CEBPZOS: variants seen among roughly 807,000 people sequenced by gnomAD.
CEBPZOS encodes the protein protein CEBPZOS.
CEBPZOS carries 10 observed loss-of-function variants against 4.8 expected under a neutral mutation model. The observed-to-expected ratio is 2.07, with a 90% CI of 1.28 to 3.52. The LOEUF is 3.52. Among genes scored for constraint, CEBPZOS ranks in the 30% most tolerant of loss-of-function variants. CEBPZOS has a pLI of 0.00. For missense variants in CEBPZOS, 98 were observed against 43.6 expected (o/e 2.25, Z -3.51); for synonymous variants, 25 against 14.2 (o/e 1.77, Z -1.72).
At position 37,202,219 on chromosome 2, in the gene CEBPZOS, T is replaced by C. The variant is rs1032072543; in HGVS notation, c.*359T>C. 4 of 195,820 alleles carry C rather than the reference T, an allele frequency of 2.0e-5. No homozygotes were observed. Among genetic ancestry groups the C allele is most frequent in the Non-Finnish European group, 3.0e-5 (3 of 98,668 alleles). The allele number at this position is 195,820 out of a possible 1,614,324, so 12.1% of individuals were successfully genotyped here. On this transcript the variant is annotated 3_prime_UTR_variant, in exon 5 of 5. Transcript: ENST00000402297. ...AACGGCCCACTTCCCTAAAAAAAAG[T>C]AATTTTTGTAGTCTGCAAGGTTTTT...
In CEBPZOS at chr2:37,203,091, A is replaced by G. The variant is rs1677360039; in HGVS notation, c.*1231A>G. 2 of 921,672 alleles carry G rather than the reference A, an allele frequency of 2.2e-6. No homozygotes were observed. Among genetic ancestry groups the G allele is most frequent in the East Asian group, 5.5e-5 (2 of 36,086 alleles). 57.1% of individuals were successfully genotyped at this position (921,672 alleles called of 1,614,324 possible). ...TGCAATGCAACATGATTTTATTTTAAAAATTATACTTGGGTAAAAACAATT... is the reference window on the plus strand; with the variant it reads ...TGCAATGCAACATGATTTTATTTTAGAAATTATACTTGGGTAAAAACAATT... On this transcript the variant is annotated 3_prime_UTR_variant, in exon 5 of 5. Transcript: ENST00000402297.
At chr2:37,206,770 G>A (rs1677553198), downstream of CEBPZOS, among the ~76,000 whole-genome samples, 1 of 152,100 alleles carries the variant, frequency 6.6e-6, no homozygotes, top group African/African-American at 2.4e-5. Flanking sequence ...CAAAATCAAA[G>A]TATTCAAGCA....
At position 37,202,152 on chromosome 2, in the gene CEBPZOS, T is replaced by G. The variant is rs1677278830; in HGVS notation, c.*292T>G. 3.3e-6 allele frequency: 1 copy of G among 302,036 alleles called. No individual in the cohort carries two copies. Among genetic ancestry groups the G allele is most frequent in the East Asian group, 5.5e-5 (1 of 18,204 alleles). The allele number at this position is 302,036 out of a possible 1,614,324, so 18.7% of individuals were successfully genotyped here. A position where few individuals can be genotyped will look rare whatever the true frequency, so the allele number is the denominator to read the frequency against. ...CTAAAGATTTTCTCTCCCCAAGCAC[T>G]TTTACTGGTGAAATAAAAACCAGTA... On this transcript the variant is annotated 3_prime_UTR_variant, in exon 5 of 5. Transcript: ENST00000402297.
chr2:37,199,892 C>G (rs1677132291), intron 2 of CEBPZOS, 73 bp downstream of exon 2: 1 of 665,020 alleles, frequency 1.5e-6, no homozygotes, highest in East Asian at 2.7e-5. Context: ...TGTTAAATGG[C>G]AATGGCATGT....
chr2:37,202,589 G>A lies in CEBPZOS; in HGVS notation c.*729G>A, dbSNP rs760360143. On this transcript the variant is annotated 3_prime_UTR_variant, in exon 5 of 5. Transcript: ENST00000402297. ...GAACATGGGAGATGGAGGTTGCAGT[G>A]AGCCAAGATCATGCCACTGCATTCC... 20 of 400,786 alleles carry A rather than the reference G, an allele frequency of 5.0e-5. No homozygotes were observed. Among genetic ancestry groups the A allele is most frequent in the Non-Finnish European group, 8.3e-5 (19 of 228,816 alleles). 24.8% of individuals were successfully genotyped at this position (400,786 alleles called of 1,614,324 possible).
chr2:37,205,579 C>A (rs925907759), downstream of CEBPZOS, among the ~76,000 whole-genome samples: 27 of 152,360 alleles, frequency 1.8e-4, no homozygotes, highest in African/African-American at 5.8e-4. Flanking sequence ...GTGAAATAAG[C>A]AGCCTTGTTG....
intron 4 of CEBPZOS, chr2:37,211,742 T>C (rs954651165): frequency 4.9e-6 from 4 of 816,332 alleles, no homozygotes; most frequent in Non-Finnish European, 7.3e-6. Context: ...GAGTATTAAT[T>C]TGAATACAGG....
At chr2:37,213,923 C>T (rs1401728175), downstream of CEBPZOS, 16 of 1,590,600 alleles carry the variant, frequency 1.0e-5, no homozygotes, top group African/African-American at 4.1e-5. Context: ...ATCTGCATCC[C>T]GTTTTTGTTT....
downstream of CEBPZOS, among the ~76,000 whole-genome samples, chr2:37,208,661 CTATGATAAACCCATAGCCAACAT>C (rs1677617679): frequency 6.6e-6 from 1 of 152,108 alleles, no homozygotes; most frequent in South Asian, 2.1e-4. Flanking sequence ...TGAAAGCCAT[CTATGATAAACCCATAGCCAACAT>C]TATACTGAAC....
At chr2:37,212,864 C>A (rs150630905) in intron 4 of CEBPZOS, among the ~76,000 whole-genome samples, 5 of 122,566 alleles carry the variant, frequency 4.1e-5, no homozygotes, top group Admixed American at 8.4e-5. Flanking sequence ...AAAACAACAA[C>A]AACAAAAAAA....
downstream of CEBPZOS, among the ~76,000 whole-genome samples, chr2:37,206,634 G>A (rs764782275): frequency 6.6e-6 from 1 of 152,184 alleles, no homozygotes; most frequent in Non-Finnish European, 1.5e-5. Flanking sequence ...GGGATTACAG[G>A]TGTGAGCCAC....
chr2:37,209,954 A>T (rs988510970), intron 4 of CEBPZOS: 1 of 152,206 alleles, frequency 6.6e-6, no homozygotes, highest in African/African-American at 2.4e-5. Context: ...AATCCCATCA[A>T]AAAGTGTGTT....
At chr2:37,208,951 C>G (rs1320186660), downstream of CEBPZOS, 1 of 151,174 alleles carries the variant, frequency 6.6e-6, no homozygotes, top group East Asian at 1.9e-4. Context: ...TTTCAGGATA[C>G]AAAATCAATG....
chr2:37,204,976 A>C (rs1000055694), downstream of CEBPZOS, among the ~76,000 whole-genome samples: 52 of 152,318 alleles, frequency 3.4e-4, no homozygotes, highest in Middle Eastern at 6.8e-3. Context: ...AAGTAAAGCA[A>C]CACTTTTCTG....
At chr2:37,207,464 A>G (rs546542997), downstream of CEBPZOS, among the ~76,000 whole-genome samples, 1 of 152,350 alleles carries the variant, frequency 6.6e-6, no homozygotes, top group South Asian at 2.1e-4. Context: ...CTCTCACACC[A>G]CAGTGGAATA....
chr2:37,209,075 G>A (rs995378545), downstream of CEBPZOS: 5 of 151,492 alleles, frequency 3.3e-5, no homozygotes, highest in Non-Finnish European at 5.9e-5. Flanking sequence ...TAATACTTAG[G>A]AATACACCTA....
Position 37,199,632 on chromosome 2 carries a change from GTTA to G in CEBPZOS, c.-1-68_-1-66del, listed in dbSNP as rs555402036. On this transcript the variant is annotated intron_variant, in intron 1 of 4. Transcript: ENST00000402297. ...ATTCAAACTGTGGGAATGAATTTGA[GTTA>G]TTAGAGAAATGATAATAGTAGTTTA... The G allele has an allele frequency of 6.0e-4, 408 of 676,510 alleles. 2 individuals carry two copies. The highest frequency in any genetic ancestry group is 7.9e-4 in the Non-Finnish European group (285 of 362,056). 41.9% of individuals were successfully genotyped at this position (676,510 alleles called of 1,614,324 possible).
chr2:37,201,681 T>A lies in CEBPZOS; in HGVS notation c.200T>A (p.Ile67Asn), dbSNP rs76377091. Residue 67 changes from isoleucine to asparagine, a missense_variant, in exon 4 of 5, where the codon ATC (isoleucine) becomes AAC (asparagine). By Grantham distance (149) the Ile-to-Asn change is moderately radical. Coordinates refer to ENST00000402297, the MANE Select transcript of CEBPZOS (RefSeq NM_001322374.2). ...KSTEKSGMYGIRELDQKTWLN... is the reference protein window; with the variant it reads ...KSTEKSGMYGNRELDQKTWLN... ...ACTGAGAAGTCTGGAATGTATGGAATCAGAGAGCTAGATCAAAAAACATGG... is the reference window on the plus strand; with the variant it reads ...ACTGAGAAGTCTGGAATGTATGGAAACAGAGAGCTAGATCAAAAAACATGG... 4 of 844,486 alleles carry A rather than the reference T, an allele frequency of 4.7e-6. No homozygotes were observed. In the South Asian group the frequency reaches 5.8e-5, roughly 12 times the overall value. 52.3% of individuals were successfully genotyped at this position (844,486 alleles called of 1,614,324 possible). A position where few individuals can be genotyped will look rare whatever the true frequency, so the allele number is the denominator to read the frequency against.
chr2:37,211,826 T>C (rs1677728217), intron 4 of CEBPZOS: 1 of 1,557,034 alleles, frequency 6.4e-7, no homozygotes. Context: ...TTATGTCTTA[T>C]TTTAAAAAAT....
Sources: gnomAD v4.1 joint callset for allele counts (sites outside exome capture counted in the v4.1 genomes callset) on GRCh38, gnomAD v4.1.1 for gene constraint, MANE v1.5 for transcripts, NCBI Gene and HGNC (gene_info 2026-07-23, HGNC 2026-07-21) for gene names.